The following WDR59 variants were observed in gnomAD, a reference collection of about 807,000 sequenced individuals.
WDR59 encodes the protein WD repeat domain 59, also known as GATOR2 complex protein WDR59.
In WDR59, 100 loss-of-function variants were observed where a neutral mutation model predicts 131.2. The ratio of observed to expected loss-of-function variants is 0.76; its 90% CI spans 0.65 to 0.90. The LOEUF is 0.90. Ranked by LOEUF, WDR59 falls within the 40% of genes least tolerant of loss-of-function variation. The probability of loss-of-function intolerance (pLI) is 0.00; values close to 1 mark genes in which losing one functional copy is unlikely to be tolerated. For missense variants in WDR59, 1,203 were observed against 1,262.2 expected (o/e 0.95, Z 0.71); for synonymous variants, 601 against 466.2 (o/e 1.29, Z -3.72).
intron 1 of WDR59, among the ~76,000 whole-genome samples, chr16:74,977,224 A>T (rs1214295788): frequency 2.0e-5 from 3 of 152,016 alleles, no homozygotes; most frequent in Non-Finnish European, 4.4e-5. Context: ...CCACAGTAAC[A>T]GCGAGATCGC....
chr16:74,966,020 G>A (rs574203363), intron 1 of WDR59, among the ~76,000 whole-genome samples, 198 bp from the exon 2 acceptor site: 2 of 151,788 alleles, frequency 1.3e-5, no homozygotes, highest in South Asian at 4.2e-4. Flanking sequence ...TTTATTTTTT[G>A]TAGAGACAGG....
At position 74,938,148 on chromosome 16, in the gene WDR59, A is replaced by T; in HGVS notation, c.651+2T>A. The T allele has an allele frequency of 6.5e-7, 1 of 1,527,300 alleles. No homozygotes were observed. Among genetic ancestry groups the T allele is most frequent in the East Asian group, 2.4e-5 (1 of 41,070 alleles). 94.6% of individuals were successfully genotyped at this position (1,527,300 alleles called of 1,614,324 possible). A position where few individuals can be genotyped will look rare whatever the true frequency, so the allele number is the denominator to read the frequency against. ...TCCAACTTCCCCATGGGTGCCACTG[A>T]CCTTCACAGAATTGTCTTGACTGGA... On this transcript the variant is annotated splice_donor_variant, in intron 8 of 25. Coordinates refer to ENST00000262144, the MANE Select transcript of WDR59 (RefSeq NM_030581.4). LOFTEE classifies it high-confidence loss of function.
intron 8 of WDR59, among the ~76,000 whole-genome samples, chr16:74,932,465 AC>A (rs1162647803): frequency 1.4e-5 from 2 of 146,532 alleles, no homozygotes; most frequent in Admixed American, 6.8e-5. Flanking sequence ...ACACACACAC[AC>A]AACTATCCTG....
At chr16:74,918,083 G>A in intron 10 of WDR59, 75 bp from the exon 11 acceptor site, 2 of 1,420,838 alleles carry the variant, frequency 1.4e-6, no homozygotes, top group Admixed American at 1.7e-5. Flanking sequence ...GAAATGGAGT[G>A]AGATTCATCC....
intron 18 of WDR59, among the ~76,000 whole-genome samples, chr16:74,900,687 T>C (rs977468369): frequency 2.6e-5 from 4 of 152,250 alleles, no homozygotes; most frequent in South Asian, 2.1e-4. Context: ...GGAGCAAAGC[T>C]TGGCATTCCA....
intron 24 of WDR59, 112 bp from the exon 25 acceptor site, chr16:74,885,907 G>T: frequency 7.6e-7 from 1 of 1,317,410 alleles, no homozygotes; most frequent in African/African-American, 1.5e-5. Flanking sequence ...CAGGCACGGT[G>T]GCTAACACCT....
intron 25 of WDR59, among the ~76,000 whole-genome samples, chr16:74,877,145 G>A (rs868617644): frequency 2.0e-5 from 3 of 152,070 alleles, no homozygotes; most frequent in Non-Finnish European, 2.9e-5. Context: ...ATCAATCAAC[G>A]CGGTGAGGGT....
At chr16:74,907,315 C>A (rs1358340863) in intron 17 of WDR59, among the ~76,000 whole-genome samples, 1 of 152,174 alleles carries the variant, frequency 6.6e-6, no homozygotes, top group Non-Finnish European at 1.5e-5. Flanking sequence ...TCTCCACAAT[C>A]CCCACATGTC....
chr16:74,971,664 C>A (rs59188269), intron 1 of WDR59, among the ~76,000 whole-genome samples: 11,780 of 151,910 alleles, frequency 0.078, 556 homozygotes, highest in Middle Eastern at 0.14. Flanking sequence ...AACTACTGAC[C>A]TTAAGTGATC....
chr16:74,877,243 C>T (rs568125719), intron 25 of WDR59, among the ~76,000 whole-genome samples: 2 of 152,172 alleles, frequency 1.3e-5, no homozygotes, highest in Admixed American at 1.3e-4. Context: ...TCAAAACACA[C>T]ACACACACAC....
chr16:74,918,254 C>T (rs1246419279), intron 10 of WDR59, among the ~76,000 whole-genome samples: 1 of 152,118 alleles, frequency 6.6e-6, no homozygotes, highest in Admixed American at 6.6e-5. Flanking sequence ...TAAAGAATAA[C>T]ACAGGATAAG....
In WDR59 at chr16:74,873,282, G is replaced by C. The variant is rs77693360; in HGVS notation, c.*927C>G. 6.6e-6 allele frequency: 1 copy of C among 152,150 alleles called. No homozygotes were observed. Among genetic ancestry groups the C allele is most frequent in the Non-Finnish European group, 1.5e-5 (1 of 68,088 alleles). 9.4% of individuals were successfully genotyped at this position (152,150 alleles called of 1,614,324 possible). ...GCTGGTCTCGAACTCCTGAGCTCAG[G>C]TGATCCCCTCACTTTTGCCTTCTAA... On this transcript the variant is annotated 3_prime_UTR_variant, in exon 26 of 26. Coordinates refer to ENST00000262144, the MANE Select transcript of WDR59 (RefSeq NM_030581.4).
At chr16:74,919,552 A>T (rs2029962680) in intron 10 of WDR59, among the ~76,000 whole-genome samples, 2 of 151,494 alleles carry the variant, frequency 1.3e-5, no homozygotes, top group African/African-American at 4.9e-5. Flanking sequence ...CATGTTGGCC[A>T]GGCTGGTCTC....
At chr16:74,896,402 G>A (rs1357059072) in intron 18 of WDR59, among the ~76,000 whole-genome samples, 1 of 152,214 alleles carries the variant, frequency 6.6e-6, no homozygotes, top group Non-Finnish European at 1.5e-5. Flanking sequence ...GCCAAGGCAG[G>A]CAGATCACCT....
intron 16 of WDR59, 66 bp downstream of exon 16, chr16:74,909,435 C>T: frequency 1.4e-6 from 2 of 1,472,096 alleles, no homozygotes; most frequent in Non-Finnish European, 1.8e-6. Flanking sequence ...GATGTTTATA[C>T]AGAATCTATG....
chr16:74,944,092 C>G (rs1336402481), intron 6 of WDR59, among the ~76,000 whole-genome samples: 2 of 152,140 alleles, frequency 1.3e-5, no homozygotes, highest in Non-Finnish European at 2.9e-5. Context: ...ACACACCTTT[C>G]CCAGTGGGGA....
At position 74,911,456 on chromosome 16, in the gene WDR59, T is replaced by C. The variant is rs143000679; in HGVS notation, c.1389+742A>G. On this transcript the variant is annotated intron_variant, in intron 14 of 25. Transcript: ENST00000262144. Reference sequence around the variant, plus strand: ...TCAGCTTGGCCTGAGTTTGTCAGAATACTTCAGTCCCTTCACTTGTGACAC... The same window carrying C: ...TCAGCTTGGCCTGAGTTTGTCAGAACACTTCAGTCCCTTCACTTGTGACAC... Among the ~76,000 whole-genome samples the C allele has an allele frequency of 1.6e-4, 24 of 152,338 alleles. No individual in the cohort carries two copies. The East Asian group carries it at 4.6e-3, about 29-fold the overall frequency.
At chr16:74,885,084 T>C (rs1487051948) in intron 25 of WDR59, among the ~76,000 whole-genome samples, 2 of 152,094 alleles carry the variant, frequency 1.3e-5, no homozygotes, top group Admixed American at 6.6e-5. Flanking sequence ...GGACACACAG[T>C]GGAATAAATG....
intron 9 of WDR59, 136 bp downstream of exon 9, chr16:74,923,790 G>A (rs185370511): frequency 9.9e-5 from 78 of 790,702 alleles, no homozygotes; most frequent in Admixed American, 1.4e-4. Flanking sequence ...TCATTATCAC[G>A]TTTGTCCCAC....
Sources: allele counts gnomAD v4.1 joint callset (sites outside exome capture counted in the v4.1 genomes callset), GRCh38; gene constraint gnomAD v4.1.1; transcripts MANE v1.5; gene names NCBI Gene and HGNC (gene_info 2026-07-23, HGNC 2026-07-21).